Variants in ADNP2 observed in about 807,000 individuals in gnomAD.
The protein encoded by ADNP2 is activity-dependent neuroprotector homeobox protein 2.
In ADNP2, 8 loss-of-function variants were observed where a neutral mutation model predicts 16.4. The observed-to-expected ratio is 0.49, with a 90% CI of 0.29 to 0.88. ADNP2 has a LOEUF of 0.88. ADNP2 is among the 40% of genes least tolerant of loss of function. ADNP2 has a pLI of 0.09. For synonymous variants in ADNP2, 637 were observed against 545.8 expected, an observed-to-expected ratio of 1.17 and a Z score of -2.33; for missense variants, 1,397 against 1,395.1, an observed-to-expected ratio of 1.00 and a Z score of -0.02.
At chr18:80,117,999 G>GT (rs1293104072) in intron 2 of ADNP2, among the ~76,000 whole-genome samples, 4 of 151,956 alleles carry the variant, frequency 2.6e-5, no homozygotes, top group Non-Finnish European at 5.9e-5. Flanking sequence ...AAATGATAGG[G>GT]TTTTTTTTAA....
chr18:80,134,055 G>A (rs1286349241), intron 3 of ADNP2, among the ~76,000 whole-genome samples: 1 of 151,966 alleles, frequency 6.6e-6, no homozygotes, highest in Non-Finnish European at 1.5e-5. Flanking sequence ...TTCAGTCTCT[G>A]ACCTGACACT....
chr18:80,117,979 T>G (rs1304867222), intron 2 of ADNP2, among the ~76,000 whole-genome samples: 1 of 152,212 alleles, frequency 6.6e-6, no homozygotes, highest in Non-Finnish European at 1.5e-5. Context: ...CAAATGGGCA[T>G]GCATAAATGA....
intron 2 of ADNP2, among the ~76,000 whole-genome samples, chr18:80,120,835 A>G (rs140320438): frequency 1.4e-4 from 22 of 152,000 alleles, no homozygotes; most frequent in African/African-American, 2.9e-4. Flanking sequence ...TTGTATTTTT[A>G]GTAGAGATGG....
chr18:80,116,408 T>C (rs1270085646), intron 1 of ADNP2, among the ~76,000 whole-genome samples: 1 of 152,224 alleles, frequency 6.6e-6, no homozygotes, highest in Non-Finnish European at 1.5e-5. Flanking sequence ...CTGGTTCATA[T>C]GTTACCTATA....
In ADNP2 at chr18:80,139,101, A is replaced by G. The variant is rs1217051291; in HGVS notation, c.*292A>G. 7.2e-6 allele frequency: 2 copies of G among 277,442 alleles called. No individual in the cohort carries two copies. Among genetic ancestry groups the G allele is most frequent in the Non-Finnish European group, 1.3e-5 (2 of 150,376 alleles). 17.2% of individuals were successfully genotyped at this position (277,442 alleles called of 1,614,324 possible). A position where few individuals can be genotyped will look rare whatever the true frequency, so the allele number is the denominator to read the frequency against. On this transcript the variant is annotated 3_prime_UTR_variant, in exon 4 of 4. Coordinates refer to ENST00000262198, the MANE Select transcript of ADNP2 (RefSeq NM_014913.4). ...TTCATGCACGCCTTGTTTTCCCACTAGTGTCAGTATCGTATGATAAGAAAC... is the reference window on the plus strand; with the variant it reads ...TTCATGCACGCCTTGTTTTCCCACTGGTGTCAGTATCGTATGATAAGAAAC...
chr18:80,138,537 G>C lies in ADNP2; in HGVS notation c.3124G>C (p.Asp1042His). 1.9e-6 allele frequency: 3 copies of C among 1,613,710 alleles called. No homozygotes were observed. Among genetic ancestry groups the C allele is most frequent in the Non-Finnish European group, 2.5e-6 (3 of 1,179,942 alleles). The change falls in exon 4 of 4, where the codon GAT becomes CAT. Residue 1042 changes from aspartate to histidine, a missense_variant. Transcript: ENST00000262198. Reference protein sequence around the residue: ...KDEALQILALDPKKYEGRSYE... With the variant: ...KDEALQILALHPKKYEGRSYE... ...CGAGGCTCTTCAGATTTTAGCATTA[G>C]ATCCTAAAAAATATGAAGGCCGTTC...
At chr18:80,133,254 G>C in intron 3 of ADNP2, 62 bp downstream of exon 3, 2 of 1,339,204 alleles carry the variant, frequency 1.5e-6, no homozygotes. Flanking sequence ...CTGTAAATGT[G>C]GTCTAAAGAA....
At position 80,139,518 on chromosome 18, in the gene ADNP2, A is replaced by G. The variant is rs561893082; in HGVS notation, c.*709A>G. ...TCATACATCAAGAGTTATTTTACAA[A>G]TAAATTTATTCTGTAGATGCAGAAA... On this transcript the variant is annotated 3_prime_UTR_variant, in exon 4 of 4. Transcript: ENST00000262198. 1 of 152,686 alleles carries G rather than the reference A, an allele frequency of 6.5e-6. No individual in the cohort carries two copies. Among genetic ancestry groups the G allele is most frequent in the East Asian group, 1.9e-4 (1 of 5,190 alleles). 9.5% of individuals were successfully genotyped at this position (152,686 alleles called of 1,614,324 possible).
chr18:80,132,054 C>A (rs1306022606), intron 2 of ADNP2, among the ~76,000 whole-genome samples: 2 of 152,176 alleles, frequency 1.3e-5, no homozygotes, highest in Non-Finnish European at 2.9e-5. Flanking sequence ...CATGAAGCTA[C>A]ATGGGTTTTA....
intron 2 of ADNP2, among the ~76,000 whole-genome samples, chr18:80,119,892 C>T (rs923816902): frequency 5.9e-5 from 9 of 152,194 alleles, no homozygotes; most frequent in African/African-American, 1.9e-4. Flanking sequence ...GATGCCACAG[C>T]AAGTGCATTC....
intron 2 of ADNP2, among the ~76,000 whole-genome samples, chr18:80,126,580 T>C (rs925772072): frequency 3.3e-5 from 5 of 152,220 alleles, no homozygotes; most frequent in Admixed American, 1.3e-4. Flanking sequence ...ATTTCACTCT[T>C]GTCTTCTGGC....
Position 80,133,121 on chromosome 18 carries a change from C to G in ADNP2, c.127C>G (p.Pro43Ala), listed in dbSNP as rs1277675366. 6.2e-7 allele frequency: 1 copy of G among 1,608,382 alleles called. No homozygotes were observed. Reference protein sequence around the residue: ...ELLKDLKGFDPGEKYFHNTSW... With the variant: ...ELLKDLKGFDAGEKYFHNTSW... ...TTAAAAGGACCTTAAAGGCTTTGAT[C>G]CAGGAGAGAAATACTTTCATAACAC... The change falls in exon 3 of 4, where the codon CCA (proline) becomes GCA (alanine). Residue 43 changes from proline (P) to alanine (A), a missense_variant. Coordinates refer to ENST00000262198, the MANE Select transcript of ADNP2 (RefSeq NM_014913.4).
At chr18:80,134,403 G>GTA (rs2052518407) in intron 3 of ADNP2, among the ~76,000 whole-genome samples, 2 of 142,822 alleles carry the variant, frequency 1.4e-5, no homozygotes, top group Non-Finnish European at 3.2e-5. Flanking sequence ...GTGTGTGTGT[G>GTA]TGTGTGTGTG....
chr18:80,123,207 C>T (rs1475918814), intron 2 of ADNP2, among the ~76,000 whole-genome samples: 2 of 152,084 alleles, frequency 1.3e-5, no homozygotes, highest in Non-Finnish European at 2.9e-5. Flanking sequence ...TTTTAATACA[C>T]TGTTGAATTT....
At chr18:80,128,290 G>A (rs1178918115) in intron 2 of ADNP2, among the ~76,000 whole-genome samples, 1 of 152,178 alleles carries the variant, frequency 6.6e-6, no homozygotes, top group Middle Eastern at 3.2e-3. Flanking sequence ...CAGAATAAAG[G>A]ACCTGTGTGT....
chr18:80,140,191 G>C lies in ADNP2; in HGVS notation c.*1382G>C, dbSNP rs1169996174. The C allele has an allele frequency of 2.0e-5, 3 of 152,364 alleles. No individual in the cohort carries two copies. The highest frequency in any genetic ancestry group is 7.2e-5 in the African/African-American group (3 of 41,410). 9.4% of individuals were successfully genotyped at this position (152,364 alleles called of 1,614,324 possible). A position where few individuals can be genotyped will look rare whatever the true frequency, so the allele number is the denominator to read the frequency against. ...AAAAATATAATACTTGCATGTAATT[G>C]CTATAATGTTCATATTTGAGGCAGT... is the stretch of plus-strand genomic sequence containing the variant. On this transcript the variant is annotated 3_prime_UTR_variant, in exon 4 of 4. Coordinates refer to ENST00000262198, the MANE Select transcript of ADNP2 (RefSeq NM_014913.4).
chr18:80,112,531 A>G (rs1333378418), intron 1 of ADNP2, among the ~76,000 whole-genome samples: 1 of 152,154 alleles, frequency 6.6e-6, no homozygotes, highest in Non-Finnish European at 1.5e-5. Context: ...GGCCACAATA[A>G]CGATGAAGGA....
Position 80,137,832 on chromosome 18 carries a change from G to A in ADNP2, c.2419G>A (p.Gly807Ser). The A allele has an allele frequency of 6.2e-7, 1 of 1,614,064 alleles. No homozygotes were observed. Among genetic ancestry groups the A allele is most frequent in the South Asian group, 1.1e-5 (1 of 91,074 alleles). ...GTTGCCTATGGATTATAGCAACAGA[G>A]GTTTTCAATTAGATGTCGATGCCAA... The part of the protein sequence containing the change: ...KKLPMDYSNR[G>S]FQLDVDANGN... Residue 807 changes from glycine (G) to serine (S), a missense_variant, in exon 4 of 4, where the codon GGT becomes AGT. Gly to Ser is a moderately conservative substitution (Grantham distance 56, BLOSUM62 0). Coordinates refer to ENST00000262198, the MANE Select transcript of ADNP2 (RefSeq NM_014913.4). The surrounding 1 kb of genome is among the most constrained non-coding windows in gnomAD (Gnocchi z 4.2).
intron 2 of ADNP2, among the ~76,000 whole-genome samples, chr18:80,122,926 A>G (rs982563280): frequency 6.6e-6 from 1 of 152,114 alleles, no homozygotes; most frequent in East Asian, 1.9e-4. Flanking sequence ...ACCGTTGAAT[A>G]TGATGTTAAT....
Sources: gnomAD v4.1 joint callset for allele counts (sites outside exome capture counted in the v4.1 genomes callset) on GRCh38, gnomAD v4.1.1 for gene constraint, Gnocchi (gnomAD v3.1) non-coding constraint, MANE v1.5 for transcripts, NCBI Gene and HGNC (gene_info 2026-07-23, HGNC 2026-07-21) for gene names.